Variants in TMPRSS15 observed in about 807,000 individuals in gnomAD.
TMPRSS15 encodes transmembrane serine protease 15.
TMPRSS15 carries 128 observed loss-of-function variants against 125.3 expected under a neutral mutation model. The ratio of observed to expected loss-of-function variants is 1.02; its 90% CI spans 0.89 to 1.18. TMPRSS15 has a LOEUF of 1.18. TMPRSS15 is among the 50% of genes most tolerant of loss of function. The pLI is 0.00. For synonymous variants in TMPRSS15, 446 were observed against 423.2 expected, an observed-to-expected ratio of 1.05 and a Z score of -0.66; for missense variants, 1,283 against 1,212.7, an observed-to-expected ratio of 1.06 and a Z score of -0.86.
At chr21:18,386,245 T>A (rs2075942775) in intron 3 of TMPRSS15, among the ~76,000 whole-genome samples, 1 of 152,114 alleles carries the variant, frequency 6.6e-6, no homozygotes, top group Non-Finnish European at 1.5e-5. Context: ...GTAGGTAACT[T>A]TGCCTAGGGT....
At chr21:18,349,964 A>G (rs1293521151) in intron 10 of TMPRSS15, among the ~76,000 whole-genome samples, 1 of 152,184 alleles carries the variant, frequency 6.6e-6, no homozygotes, top group Non-Finnish European at 1.5e-5. Flanking sequence ...GAAAAATGAT[A>G]ATTTGAACAT....
chr21:18,473,269 T>A (rs1426013290), intron 1 of TMPRSS15, among the ~76,000 whole-genome samples: 1 of 152,112 alleles, frequency 6.6e-6, no homozygotes, highest in Non-Finnish European at 1.5e-5. Context: ...TAGTATGATT[T>A]ATTTTAAAAT....
At position 18,270,141 on chromosome 21, in the gene TMPRSS15, A is replaced by T; in HGVS notation, c.2905-17T>A. The T allele has an allele frequency of 6.2e-7, 1 of 1,612,692 alleles. No homozygotes were observed. The highest frequency in any genetic ancestry group is 8.5e-7 in the Non-Finnish European group (1 of 1,178,790). On this transcript the variant is annotated splice_polypyrimidine_tract_variant and intron_variant, in intron 24 of 24. Transcript: ENST00000284885. ...TGAATCCCCCTAAAGAGTGAATTGC[A>T]AAACAAAATTGTAGATATGTGGTCA... is the stretch of plus-strand genomic sequence containing the variant.
At chr21:18,278,914 C>T (rs1264214996) in intron 23 of TMPRSS15, 50 bp downstream of exon 23, 5 of 968,206 alleles carry the variant, frequency 5.2e-6, no homozygotes, top group Non-Finnish European at 7.8e-6. Flanking sequence ...GTCTGTTTTT[C>T]ACCAGTAAGG....
intron 6 of TMPRSS15, among the ~76,000 whole-genome samples, chr21:18,370,658 G>A (rs2147043611): frequency 6.6e-6 from 1 of 152,230 alleles, no homozygotes; most frequent in South Asian, 2.1e-4. Context: ...AATATGTTCT[G>A]AGTGTACTTC....
intron 1 of TMPRSS15, among the ~76,000 whole-genome samples, chr21:18,401,642 C>G (rs2076095388): frequency 6.6e-6 from 1 of 152,110 alleles, no homozygotes. Context: ...ATGCTCAGTA[C>G]CTGGGTGATG....
intron 22 of TMPRSS15, among the ~76,000 whole-genome samples, chr21:18,279,820 C>T (rs904982909): frequency 2.0e-5 from 3 of 151,784 alleles, no homozygotes; most frequent in South Asian, 4.1e-4. Context: ...TTTATTTTCC[C>T]CAATTATCAC....
At chr21:18,274,161 AATTT>A (rs2074592704) in intron 24 of TMPRSS15, among the ~76,000 whole-genome samples, 1 of 152,180 alleles carries the variant, frequency 6.6e-6, no homozygotes, top group Non-Finnish European at 1.5e-5. Flanking sequence ...TATGCCAGAA[AATTT>A]ATTTACTAAG....
chr21:18,430,486 G>A lies in TMPRSS15; in HGVS notation c.11-32157C>T, dbSNP rs188766535. 3.9e-3 allele frequency among the ~76,000 whole-genome samples: 597 copies of A among 152,150 alleles called. 2 individuals are homozygous for A. Among genetic ancestry groups the A allele is most frequent in the Non-Finnish European group, 7.1e-3 (484 of 67,996 alleles). On this transcript the variant is annotated intron_variant, in intron 1 of 7. Coordinates refer to the TMPRSS15 transcript ENST00000422787. ...TGGGGATAGATTCATTCTTTATCTTGGTGGTGGTTGCTCAACCAAAACTGG... is the reference window on the plus strand; with the variant it reads ...TGGGGATAGATTCATTCTTTATCTTAGTGGTGGTTGCTCAACCAAAACTGG...
At chr21:18,447,125 T>C (rs1389586428) in intron 1 of TMPRSS15, among the ~76,000 whole-genome samples, 1 of 151,974 alleles carries the variant, frequency 6.6e-6, no homozygotes, top group African/African-American at 2.4e-5. Flanking sequence ...ATGGGCAGAA[T>C]ATCTGAATAG....
At chr21:18,342,212 C>T in intron 12 of TMPRSS15, among the ~76,000 whole-genome samples, 1 of 152,190 alleles carries the variant, frequency 6.6e-6, no homozygotes, top group East Asian at 1.9e-4. Flanking sequence ...TTCCTGGATC[C>T]TGTGCTATGT....
At position 18,383,614 on chromosome 21, in the gene TMPRSS15, T is replaced by C. The variant is rs758701579; in HGVS notation, c.496+13A>G. ...TTAATGATTCAAAGAAATCAAATAA[T>C]GTTCACACATACCTAGGATATCAAC... On this transcript the variant is annotated intron_variant, in intron 4 of 24. Coordinates refer to ENST00000284885, the MANE Select transcript of TMPRSS15 (RefSeq NM_002772.3). 2 of 1,612,842 alleles carry C rather than the reference T, an allele frequency of 1.2e-6. No individual in the cohort carries two copies. The highest frequency in any genetic ancestry group is 1.7e-5 in the Admixed American group (1 of 59,980).
intron 8 of TMPRSS15, 30 bp downstream of exon 8, chr21:18,359,727 A>T (rs767264470): frequency 9.3e-7 from 1 of 1,076,494 alleles, no homozygotes; most frequent in African/African-American, 1.6e-5. Context: ...TTTCATTTTC[A>T]TAAGTAATTG....
At chr21:18,376,127 T>G (rs902288982) in intron 5 of TMPRSS15, among the ~76,000 whole-genome samples, 2 of 152,164 alleles carry the variant, frequency 1.3e-5, no homozygotes, top group African/African-American at 4.8e-5. Flanking sequence ...AGGCCAGTGT[T>G]ATTTCACTAT....
At chr21:18,452,267 C>T (rs1310385758) in intron 1 of TMPRSS15, among the ~76,000 whole-genome samples, 3 of 152,204 alleles carry the variant, frequency 2.0e-5, no homozygotes, top group Non-Finnish European at 2.9e-5. Flanking sequence ...AAAATTAGCA[C>T]CACAAAGGTT....
intron 1 of TMPRSS15, among the ~76,000 whole-genome samples, chr21:18,461,230 C>A (rs2122952377): frequency 6.6e-6 from 1 of 152,268 alleles, no homozygotes; most frequent in Non-Finnish European, 1.5e-5. Flanking sequence ...TTGACCAACT[C>A]CTCTTTCGTA....
chr21:18,440,650 A>T (rs978956687), intron 1 of TMPRSS15, among the ~76,000 whole-genome samples: 13 of 151,908 alleles, frequency 8.6e-5, no homozygotes, highest in South Asian at 2.1e-4. Flanking sequence ...TACTCAATTT[A>T]AAAAAAATCA....
intron 8 of TMPRSS15, among the ~76,000 whole-genome samples, chr21:18,358,754 ATATT>A (rs1373354261): frequency 1.3e-5 from 2 of 152,042 alleles, no homozygotes; most frequent in Non-Finnish European, 2.9e-5. Flanking sequence ...TTTGTTGAAA[ATATT>A]AAAGAAGAAA....
chr21:18,279,313 T>C (rs1439505401), intron 22 of TMPRSS15, among the ~76,000 whole-genome samples: 1 of 58,910 alleles, frequency 1.7e-5, no homozygotes. Context: ...TCGTTACTCT[T>C]TTTTTTTTTT....
Sources: gnomAD v4.1 joint callset for allele counts (sites outside exome capture counted in the v4.1 genomes callset) on GRCh38, gnomAD v4.1.1 for gene constraint, MANE v1.5 for transcripts, NCBI Gene and HGNC (gene_info 2026-07-23, HGNC 2026-07-21) for gene names.